TMEM72: variants seen among roughly 807,000 people sequenced by gnomAD.
The protein encoded by TMEM72 is transmembrane protein 72, also known as kidney-specific secretory protein of 37 kDa.
TMEM72 carries 9 observed loss-of-function variants against 16.3 expected under a neutral mutation model. The observed-to-expected ratio is 0.55, with a 90% confidence interval of 0.33 to 0.96. TMEM72 has a LOEUF of 0.96. TMEM72 is among the 40% of genes least tolerant of loss of function. The probability of loss-of-function intolerance (pLI) is 0.03; values close to 1 mark genes in which losing one functional copy is unlikely to be tolerated. For missense variants in TMEM72, 324 were observed against 337.8 expected, an observed-to-expected ratio of 0.96 and a Z score of 0.32; for synonymous variants, 160 against 146.5, an observed-to-expected ratio of 1.09 and a Z score of -0.66.
intron 4 of TMEM72, among the ~76,000 whole-genome samples, chr10:44,934,182 G>A (rs950422787): frequency 6.6e-6 from 1 of 151,356 alleles, no homozygotes; most frequent in Admixed American, 6.6e-5. Context: ...CTTCAGGGTG[G>A]GACCCCAGAA....
At chr10:44,930,092 G>A (rs1470921886) in intron 2 of TMEM72, among the ~76,000 whole-genome samples, 1 of 152,166 alleles carries the variant, frequency 6.6e-6, no homozygotes, top group African/African-American at 2.4e-5. Flanking sequence ...ACCCTGTTTT[G>A]TCTCTGTTTT....
rs781748745 is a variant in TMEM72 at position 44,935,155 on chromosome 10, G to A, written c.*21G>A. The stretch of plus-strand genomic sequence containing the variant: ...TCTGAGCGCTTGCTCCAGCCTGGAG[G>A]ACGCTCAGTGAGGGGTCTACCTAGC... On this transcript the variant is annotated 3_prime_UTR_variant, in exon 5 of 5. Transcript: ENST00000389583. 7 of 1,544,620 alleles carry A rather than the reference G, an allele frequency of 4.5e-6. No homozygotes were observed. Among genetic ancestry groups the A allele is most frequent in the Non-Finnish European group, 6.1e-6 (7 of 1,145,990 alleles).
chr10:44,932,195 C>A, intron 3 of TMEM72, 126 bp downstream of exon 3: 3 of 1,139,710 alleles, frequency 2.6e-6, no homozygotes, highest in South Asian at 1.4e-5. Flanking sequence ...AGGAGCCCCC[C>A]ACCGAGGTAC....
chr10:44,918,662 T>C (rs1311007334), intron 1 of TMEM72, among the ~76,000 whole-genome samples: 1 of 152,202 alleles, frequency 6.6e-6, no homozygotes, highest in East Asian at 1.9e-4. Context: ...GTTGTTTTAA[T>C]ATTTGAAAAA....
chr10:44,914,969 C>A (rs1839992463), intron 1 of TMEM72, among the ~76,000 whole-genome samples: 1 of 152,186 alleles, frequency 6.6e-6, no homozygotes. Flanking sequence ...ATGGGAAGAG[C>A]CCCCTTTGTG....
intron 1 of TMEM72, among the ~76,000 whole-genome samples, chr10:44,914,943 G>A (rs1839992024): frequency 6.6e-6 from 1 of 152,216 alleles, no homozygotes; most frequent in African/African-American, 2.4e-5. Context: ...CCCCTGCTGA[G>A]GTGGCCAGGA....
At chr10:44,919,499 C>T (rs1362582879) in intron 1 of TMEM72, among the ~76,000 whole-genome samples, 1 of 152,034 alleles carries the variant, frequency 6.6e-6, no homozygotes, top group Admixed American at 6.6e-5. Flanking sequence ...TAGCAACAAA[C>T]AATTAGAAAA....
At chr10:44,924,805 C>T (rs1015192424) in intron 1 of TMEM72, among the ~76,000 whole-genome samples, 8 of 152,248 alleles carry the variant, frequency 5.3e-5, no homozygotes, top group African/African-American at 1.9e-4. Flanking sequence ...CCTGGCTCCC[C>T]ACACTCTCCT....
intron 1 of TMEM72, among the ~76,000 whole-genome samples, chr10:44,918,723 C>A (rs1202797452): frequency 6.6e-6 from 1 of 152,136 alleles, no homozygotes; most frequent in Admixed American, 6.5e-5. Flanking sequence ...TGTGTCCCCC[C>A]AGCCAAATTC....
chr10:44,930,387 G>A (rs148519893), intron 2 of TMEM72, among the ~76,000 whole-genome samples: 273 of 152,328 alleles, frequency 1.8e-3, no homozygotes, highest in African/African-American at 6.2e-3. Flanking sequence ...TCTGGAGCCT[G>A]CGTGCTAGGT....
At chr10:44,919,863 C>T (rs1840067772) in intron 1 of TMEM72, 1 of 152,218 alleles carries the variant, frequency 6.6e-6, no homozygotes, top group South Asian at 2.1e-4. Context: ...CGTAGGTAAA[C>T]CTCCCCACCA....
At chr10:44,926,150 C>G (rs1252916168) in intron 1 of TMEM72, among the ~76,000 whole-genome samples, 3 of 152,044 alleles carry the variant, frequency 2.0e-5, no homozygotes, top group Non-Finnish European at 4.4e-5. Flanking sequence ...CACATATATA[C>G]TCACATATAC....
At chr10:44,913,417 G>A (rs1839965950) in intron 1 of TMEM72, among the ~76,000 whole-genome samples, 1 of 151,912 alleles carries the variant, frequency 6.6e-6, no homozygotes, top group Admixed American at 6.6e-5. Flanking sequence ...TCAGTCACCG[G>A]AAGAGTCTGC....
intron 3 of TMEM72, among the ~76,000 whole-genome samples, chr10:44,932,939 T>A (rs951207676): frequency 6.6e-6 from 1 of 152,192 alleles, no homozygotes; most frequent in South Asian, 2.1e-4. Flanking sequence ...TTGGGCCACC[T>A]GGACAGCCTG....
At chr10:44,933,806 C>T (rs1484684786) in intron 4 of TMEM72, 30 bp downstream of exon 4, 2 of 1,587,296 alleles carry the variant, frequency 1.3e-6, no homozygotes, top group Non-Finnish European at 1.7e-6. Flanking sequence ...GATATGCAGC[C>T]CCAGCACAGG....
intron 1 of TMEM72, among the ~76,000 whole-genome samples, chr10:44,926,947 G>A (rs1345254036): frequency 6.6e-6 from 1 of 152,144 alleles, no homozygotes; most frequent in Non-Finnish European, 1.5e-5. Context: ...TCTCTGCCAG[G>A]GAAGAGGAAG....
rs189977162 is a variant in TMEM72 at position 44,931,646 on chromosome 10, G to A, written c.138-352G>A. ...AGGAAGAAGGAAAGGGTCAGGAACA[G>A]GTCCAGGTTTAAGGCTGGAACACAG... On this transcript the variant is annotated intron_variant, in intron 2 of 4. Transcript: ENST00000389583. Among the ~76,000 whole-genome samples, 109 of 152,340 alleles carry A rather than the reference G, an allele frequency of 7.2e-4. 3 individuals carry two copies. The South Asian group carries it at 0.022, about 31-fold the overall frequency.
At chr10:44,917,426 G>GCCTTC (rs1228818080) in intron 1 of TMEM72, among the ~76,000 whole-genome samples, 1 of 152,132 alleles carries the variant, frequency 6.6e-6, no homozygotes, top group Non-Finnish European at 1.5e-5. Flanking sequence ...GGAGGAAGGG[G>GCCTTC]CTACACTGTA....
intron 1 of TMEM72, among the ~76,000 whole-genome samples, chr10:44,927,260 G>A (rs887630768): frequency 2.6e-5 from 4 of 152,214 alleles, no homozygotes; most frequent in African/African-American, 9.7e-5. Flanking sequence ...GCAAATCCTT[G>A]TGAGGAGAGC....
Sources: allele counts gnomAD v4.1 joint callset (sites outside exome capture counted in the v4.1 genomes callset), GRCh38; gene constraint gnomAD v4.1.1; transcripts MANE v1.5; gene names NCBI Gene and HGNC (gene_info 2026-07-23, HGNC 2026-07-21).